The following ANK3 variants were observed in gnomAD, a reference collection of about 807,000 sequenced individuals.
ANK3 encodes the protein ankyrin 3, also known as ankyrin-3.
Under a neutral mutation model 370.9 loss-of-function variants are expected in ANK3, and 57 were observed. That is an observed-to-expected ratio of 0.15 (90% CI 0.12 to 0.19). The LOEUF (loss-of-function observed/expected upper bound fraction) is 0.19, where lower values mean the gene tolerates loss of function less well. Ranked by LOEUF, ANK3 falls within the 10% of genes least tolerant of loss-of-function variation. ANK3 has a pLI of 1.00. For synonymous variants in ANK3, 1,929 were observed against 1,946.3 expected, an observed-to-expected ratio of 0.99 and a Z score of 0.23; for missense variants, 4,439 against 5,302.1, an observed-to-expected ratio of 0.84 and a Z score of 5.06.
chr10:60,171,661 C>T (rs1340676678), intron 21 of ANK3, among the ~76,000 whole-genome samples: 1 of 152,088 alleles, frequency 6.6e-6, no homozygotes, highest in South Asian at 2.1e-4. Context: ...TCAAAGGTAC[C>T]AGATGGGGTT....
intron 2 of ANK3, among the ~76,000 whole-genome samples, chr10:60,554,750 T>C (rs2077169999): frequency 6.6e-6 from 1 of 152,190 alleles, no homozygotes; most frequent in African/African-American, 2.4e-5. Flanking sequence ...ACAAATTTAA[T>C]TTCCTGATAA....
intron 2 of ANK3, among the ~76,000 whole-genome samples, chr10:60,468,745 G>A (rs541351098): frequency 6.6e-6 from 1 of 151,820 alleles, no homozygotes; most frequent in East Asian, 1.9e-4. Context: ...ATGATGGAAT[G>A]AAAGAACTTC....
intron 1 of ANK3, among the ~76,000 whole-genome samples, chr10:60,643,382 C>G (rs950131893): frequency 6.6e-6 from 1 of 152,078 alleles, no homozygotes; most frequent in African/African-American, 2.4e-5. Context: ...TGCTGCCCTC[C>G]GACTCCAAGC....
At chr10:60,166,487 T>C in intron 23 of ANK3, 104 bp downstream of exon 23, 2 of 833,806 alleles carry the variant, frequency 2.4e-6, no homozygotes, top group Non-Finnish European at 3.9e-6. Flanking sequence ...CTCAAGATAA[T>C]ATGAAAAGTT....
intron 1 of ANK3, among the ~76,000 whole-genome samples, chr10:60,712,449 T>A (rs1296212779): frequency 1.3e-5 from 2 of 152,218 alleles, no homozygotes; most frequent in Non-Finnish European, 2.9e-5. Context: ...GATTGGTTGT[T>A]AATGCAAGCC....
intron 8 of ANK3, among the ~76,000 whole-genome samples, chr10:60,224,897 TTTTTTC>T (rs1565804623): frequency 1.3e-5 from 2 of 151,500 alleles, no homozygotes; most frequent in African/African-American, 4.8e-5. Flanking sequence ...TTTCTTTTCT[TTTTTTC>T]TTTTTCTTTC....
intron 2 of ANK3, among the ~76,000 whole-genome samples, chr10:60,544,455 C>A (rs2076917922): frequency 6.6e-6 from 1 of 151,998 alleles, no homozygotes; most frequent in Admixed American, 6.6e-5. Flanking sequence ...TTCTTCAGTA[C>A]CTCATTTGAA....
chr10:60,272,627 G>A (rs1485046420), intron 4 of ANK3, among the ~76,000 whole-genome samples: 3 of 152,024 alleles, frequency 2.0e-5, no homozygotes, highest in African/African-American at 7.2e-5. Flanking sequence ...CTACAGGCAT[G>A]TGCCACCTCG....
intron 4 of ANK3, among the ~76,000 whole-genome samples, chr10:60,275,683 C>G (rs2098079887): frequency 6.6e-6 from 1 of 152,114 alleles, no homozygotes; most frequent in Admixed American, 6.6e-5. Flanking sequence ...TAGGGAATAT[C>G]AGAGTACCCA....
At chr10:60,717,128 T>C (rs2079802152) in intron 1 of ANK3, among the ~76,000 whole-genome samples, 1 of 152,232 alleles carries the variant, frequency 6.6e-6, no homozygotes, top group Admixed American at 6.5e-5. Context: ...AATGTGAGGC[T>C]ACTTTTCACC....
At chr10:60,648,767 T>TAAAAA (rs796546062) in intron 1 of ANK3, among the ~76,000 whole-genome samples, 44,155 of 111,716 alleles carry the variant, frequency 0.4, 9,974 homozygotes, top group South Asian at 0.48. Flanking sequence ...AAGACTGTCT[T>TAAAAA]AAAAAAAAAA....
chr10:60,140,000 A>T, intron 23 of ANK3: 1 of 279,400 alleles, frequency 3.6e-6, no homozygotes, highest in Non-Finnish European at 6.6e-6. Context: ...TTCTGGACGC[A>T]AGCTTCACTG....
intron 1 of ANK3, among the ~76,000 whole-genome samples, chr10:60,287,397 A>C (rs2040261062): frequency 6.6e-6 from 1 of 152,196 alleles, no homozygotes; most frequent in Admixed American, 6.5e-5. Flanking sequence ...GATCATTTAA[A>C]AAATCTCCAG....
chr10:60,035,208 TAAATA>T (rs534191573), intron 43 of ANK3, among the ~76,000 whole-genome samples: 128 of 152,328 alleles, frequency 8.4e-4, no homozygotes, highest in African/African-American at 2.8e-3. Context: ...ATTTTGTAGA[TAAATA>T]AAAGCTTTGT....
chr10:60,705,673 C>T (rs548628835), intron 1 of ANK3, among the ~76,000 whole-genome samples: 6 of 152,126 alleles, frequency 3.9e-5, no homozygotes, highest in Admixed American at 3.9e-4. Context: ...CCACTAAAAC[C>T]CCCCTTCAAG....
intron 14 of ANK3, among the ~76,000 whole-genome samples, chr10:60,197,669 T>C (rs760390522): frequency 6.6e-5 from 10 of 152,242 alleles, no homozygotes; most frequent in Admixed American, 2.0e-4. Flanking sequence ...TAATCTTTCT[T>C]ATCTGCATCC....
chr10:60,214,580 C>G (rs1208911487), intron 8 of ANK3, among the ~76,000 whole-genome samples: 2 of 152,082 alleles, frequency 1.3e-5, no homozygotes, highest in Non-Finnish European at 2.9e-5. Context: ...TCTCATTGTT[C>G]ATCTCCCACT....
intron 1 of ANK3, among the ~76,000 whole-genome samples, chr10:60,380,843 T>C (rs2061458652): frequency 1.3e-5 from 2 of 152,168 alleles, no homozygotes; most frequent in African/African-American, 4.8e-5. Context: ...GTGGCAGTTA[T>C]GGAAGTGGGC....
chr10:60,524,890 G>A (rs781398302), intron 2 of ANK3, among the ~76,000 whole-genome samples: 2 of 152,016 alleles, frequency 1.3e-5, no homozygotes, highest in Non-Finnish European at 2.9e-5. Flanking sequence ...TTGATGAACT[G>A]GACCCATGAA....
Sources: allele counts gnomAD v4.1 joint callset (sites outside exome capture counted in the v4.1 genomes callset), GRCh38; gene constraint gnomAD v4.1.1; transcripts MANE v1.5; gene names NCBI Gene and HGNC (gene_info 2026-07-23, HGNC 2026-07-21).